Variants in ATP2B4 observed in about 807,000 individuals in gnomAD.
ATP2B4 encodes ATPase plasma membrane Ca2+ transporting 4.
A neutral mutation model predicts 110.3 loss-of-function variants in ATP2B4; 39 were observed. The ratio of observed to expected loss-of-function variants is 0.35; its 90% confidence interval spans 0.27 to 0.46. The LOEUF (loss-of-function observed/expected upper bound fraction) is 0.46, where lower values mean the gene tolerates loss of function less well. ATP2B4 is among the 20% of genes least tolerant of loss of function. The probability of loss-of-function intolerance (pLI) is 1.00; values close to 1 mark genes in which losing one functional copy is unlikely to be tolerated. For synonymous variants in ATP2B4, 538 were observed against 571.7 expected (o/e 0.94, Z 0.84); for missense variants, 1,135 against 1,530.9 (o/e 0.74, Z 4.32).
intron 2 of ATP2B4, among the ~76,000 whole-genome samples, chr1:203,687,913 A>G (rs1665245572): frequency 6.6e-6 from 1 of 152,084 alleles, no homozygotes; most frequent in Non-Finnish European, 1.5e-5. Context: ...AGAAGGCATG[A>G]AATATTCCAT....
intron 1 of ATP2B4, among the ~76,000 whole-genome samples, chr1:203,638,961 C>T (rs145306258): frequency 3.2e-4 from 49 of 152,334 alleles, no homozygotes; most frequent in Non-Finnish European, 3.7e-4. Flanking sequence ...GGCTCCTCCT[C>T]GCACACTGGG....
chr1:203,628,694 C>T (rs556327245), intron 1 of ATP2B4, among the ~76,000 whole-genome samples: 1 of 152,174 alleles, frequency 6.6e-6, no homozygotes, highest in Non-Finnish European at 1.5e-5. Flanking sequence ...GGCCCTACTA[C>T]GCCCCCTCCA....
chr1:203,726,701 C>A (rs1470399020), intron 19 of ATP2B4, among the ~76,000 whole-genome samples: 1 of 152,198 alleles, frequency 6.6e-6, no homozygotes, highest in Admixed American at 6.5e-5. Context: ...TACTCCTTAT[C>A]TTGTCCGGAA....
chr1:203,723,737 T>A, intron 18 of ATP2B4, 144 bp from the exon 19 acceptor site: 1 of 610,606 alleles, frequency 1.6e-6, no homozygotes, highest in Non-Finnish European at 2.8e-6. Context: ...AGATTTCTTC[T>A]TTTCCCTTCC....
chr1:203,713,302 G>A, intron 14 of ATP2B4, 50 bp downstream of exon 14: 1 of 1,606,138 alleles, frequency 6.2e-7, no homozygotes, highest in Non-Finnish European at 8.5e-7. Context: ...GGCAGGCCAG[G>A]GCGAGGACAG....
At chr1:203,724,246 A>G (rs6664234) in intron 19 of ATP2B4, among the ~76,000 whole-genome samples, 33,635 of 152,038 alleles carry the variant, frequency 0.22, 4,095 homozygotes, top group East Asian at 0.32. Context: ...GGCTGGGCGC[A>G]GTGGCTCACA....
rs751366917 is a variant in ATP2B4, at chr1:203,683,257, C to A, written c.52C>A (p.Arg18Ser). Residue 18 changes from arginine (R) to serine (S), a missense_variant, in exon 2 of 21, where the codon CGT becomes AGT. Transcript: ENST00000357681. ...VLPANSMAES[R>S]EGDFGCTVME... is the part of the protein sequence containing the mutation. Reference sequence around the variant, plus strand: ...GCCTGCCAACTCGATGGCCGAGAGCCGTGAAGGGGACTTTGGCTGCACAGT... The same window carrying A: ...GCCTGCCAACTCGATGGCCGAGAGCAGTGAAGGGGACTTTGGCTGCACAGT... 2.5e-6 allele frequency: 4 copies of A among 1,614,148 alleles called. No homozygotes were observed. The highest frequency in any genetic ancestry group is 3.4e-6 in the Non-Finnish European group (4 of 1,180,032).
intron 1 of ATP2B4, among the ~76,000 whole-genome samples, chr1:203,648,638 T>A (rs1442435782): frequency 1.3e-5 from 2 of 152,184 alleles, no homozygotes; most frequent in Non-Finnish European, 2.9e-5. Flanking sequence ...GGCCAGGACA[T>A]GGAGTCTTGG....
intron 20 of ATP2B4, among the ~76,000 whole-genome samples, chr1:203,735,318 G>C (rs1666851398): frequency 6.6e-6 from 1 of 152,204 alleles, no homozygotes; most frequent in African/African-American, 2.4e-5. Flanking sequence ...TAATGCTTAT[G>C]TCTTCCTATT....
rs138782160 is a variant in ATP2B4, at chr1:203,719,845, C to T, written c.2407-704C>T. Among the ~76,000 whole-genome samples, 248 of 152,076 alleles carry T rather than the reference C, an allele frequency of 1.6e-3. 4 individuals are homozygous for T. The East Asian group carries it at 0.027, about 17-fold the overall frequency. ...TTTCTTTCTTCACTTACCAACATAACTTAGAGATTATTTCATAATAGTAAT... is the reference window on the plus strand; with the variant it reads ...TTTCTTTCTTCACTTACCAACATAATTTAGAGATTATTTCATAATAGTAAT... On this transcript the variant is annotated intron_variant, in intron 15 of 20. Transcript: ENST00000357681.
In ATP2B4 at chr1:203,720,622, T is replaced by A. The variant is rs1446243371; in HGVS notation, c.2480T>A (p.Val827Glu). The A allele has an allele frequency of 7.4e-6, 12 of 1,614,082 alleles. No homozygotes were observed. The highest frequency in any genetic ancestry group is 1.0e-5 in the Non-Finnish European group (12 of 1,179,952). Residue 827 changes from valine (V) to glutamate (E), a missense_variant, in exon 16 of 21, where the codon GTG becomes GAG. Transcript: ENST00000357681. ...ILTDDNFTSIVKAVMWGRNVY... is the reference protein window; with the variant it reads ...ILTDDNFTSIEKAVMWGRNVY... The stretch of plus-strand genomic sequence containing the variant: ...ACAGATGACAACTTCACCAGCATTG[T>A]GAAGGCAGTGATGTGGGGACGAAAT...
chr1:203,638,910 A>C (rs1423714705), intron 1 of ATP2B4, among the ~76,000 whole-genome samples: 2 of 152,238 alleles, frequency 1.3e-5, no homozygotes, highest in African/African-American at 2.4e-5. Flanking sequence ...AGTATTTGGC[A>C]CTGCCCGTAT....
At chr1:203,681,242 G>C (rs1035457172) in intron 1 of ATP2B4, among the ~76,000 whole-genome samples, 1 of 152,202 alleles carries the variant, frequency 6.6e-6, no homozygotes, top group African/African-American at 2.4e-5. Context: ...GGGAGAGGGA[G>C]GAGTATAAAT....
At chr1:203,660,499 G>A (rs539424975) in intron 1 of ATP2B4, among the ~76,000 whole-genome samples, 5 of 152,056 alleles carry the variant, frequency 3.3e-5, no homozygotes, top group East Asian at 1.9e-4. Flanking sequence ...AGAAGAGAAC[G>A]GAGGTGGGGG....
At chr1:203,671,063 G>A (rs763790014) in intron 1 of ATP2B4, among the ~76,000 whole-genome samples, 8 of 152,146 alleles carry the variant, frequency 5.3e-5, no homozygotes, top group Non-Finnish European at 1.0e-4. Context: ...CTCCTAATAA[G>A]TGTATACCAA....
chr1:203,679,559 C>T (rs900221757), intron 1 of ATP2B4, among the ~76,000 whole-genome samples: 2 of 152,116 alleles, frequency 1.3e-5, no homozygotes, highest in Non-Finnish European at 2.9e-5. Flanking sequence ...AGAATCTCTC[C>T]GCTTTGGTAC....
intron 20 of ATP2B4, chr1:203,728,248 C>A: frequency 2.1e-6 from 1 of 465,830 alleles, no homozygotes; most frequent in Non-Finnish European, 4.4e-6. Flanking sequence ...GGGATAGAAG[C>A]CACCCCTGCT....
chr1:203,720,772 G>T, intron 16 of ATP2B4, 32 bp downstream of exon 16: 1 of 1,592,128 alleles, frequency 6.3e-7, no homozygotes, highest in Non-Finnish European at 8.6e-7. Context: ...TGAGACGGGA[G>T]GGATGAGTCA....
intron 1 of ATP2B4, among the ~76,000 whole-genome samples, chr1:203,676,698 T>A (rs1571710981): frequency 6.6e-6 from 1 of 152,166 alleles, no homozygotes; most frequent in South Asian, 2.1e-4. Context: ...GCCAAGAGCA[T>A]GAGACGACTG....
Sources: allele counts gnomAD v4.1 joint callset (sites outside exome capture counted in the v4.1 genomes callset), GRCh38; gene constraint gnomAD v4.1.1; transcripts MANE v1.5; gene names NCBI Gene and HGNC (gene_info 2026-07-23, HGNC 2026-07-21).